COL10A1: variants seen among roughly 807,000 people sequenced by gnomAD.
COL10A1 encodes collagen alpha-1(X) chain.
Under a neutral mutation model 18.2 loss-of-function variants are expected in COL10A1, and 10 were observed. That is an observed-to-expected ratio of 0.55 (90% confidence interval 0.34 to 0.93). The LOEUF (loss-of-function observed/expected upper bound fraction) is 0.93, where lower values mean the gene tolerates loss of function less well. Among genes scored for constraint, COL10A1 ranks in the 40% least tolerant of loss-of-function variants. The pLI is 0.02. For synonymous variants in COL10A1, 330 were observed against 316.6 expected, an observed-to-expected ratio of 1.04 and a Z score of -0.45; for missense variants, 897 against 853.5, an observed-to-expected ratio of 1.05 and a Z score of -0.64.
chr6:116,157,059 T>C (rs1004137928), intron 1 of COL10A1, among the ~76,000 whole-genome samples: 10 of 152,146 alleles, frequency 6.6e-5, no homozygotes, highest in African/African-American at 2.4e-4. Context: ...TTCCACCAAA[T>C]AGACATGGAG....
the COL10A1 span, among the ~76,000 whole-genome samples, chr6:116,215,742 A>T: frequency 6.6e-6 from 1 of 152,190 alleles, no homozygotes; most frequent in Non-Finnish European, 1.5e-5. Context: ...ACTGATGGCA[A>T]CAGGGGAGTT....
chr6:116,129,206 A>G (rs144298834), upstream of COL10A1, among the ~76,000 whole-genome samples: 368 of 152,320 alleles, frequency 2.4e-3, 6 homozygotes, highest in African/African-American at 8.2e-3. Context: ...TCACATACAT[A>G]TATAGACATG....
chr6:116,155,752 T>TAAA (rs58270869), intron 1 of COL10A1, among the ~76,000 whole-genome samples: 2 of 114,612 alleles, frequency 1.7e-5, no homozygotes, highest in Non-Finnish European at 1.9e-5. Context: ...TACTTCTCCT[T>TAAA]AAAAAAAAAA....
intron 1 of COL10A1, among the ~76,000 whole-genome samples, chr6:116,143,026 T>C (rs1489538464): frequency 1.3e-5 from 2 of 152,222 alleles, no homozygotes; most frequent in Admixed American, 1.3e-4. Context: ...GGAAGAAGAC[T>C]ATGGTTCTGT....
chr6:116,167,853 G>C, the COL10A1 span, among the ~76,000 whole-genome samples: 1 of 151,964 alleles, frequency 6.6e-6, no homozygotes, highest in Non-Finnish European at 1.5e-5. Flanking sequence ...TCTGTGTATT[G>C]GATGTTGATT....
At chr6:116,166,874 TGAAATGA>T in the COL10A1 span, among the ~76,000 whole-genome samples, 1 of 152,178 alleles carries the variant, frequency 6.6e-6, no homozygotes, top group Admixed American at 6.5e-5. Flanking sequence ...AATCTGACCT[TGAAATGA>T]GAATAATTTT....
the COL10A1 span, among the ~76,000 whole-genome samples, chr6:116,175,822 T>C: frequency 6.6e-6 from 1 of 152,222 alleles, no homozygotes; most frequent in Admixed American, 6.5e-5. Context: ...TGTTTATCCT[T>C]TTCACTAGAT....
upstream of COL10A1, among the ~76,000 whole-genome samples, chr6:116,128,772 G>A (rs1240969025): frequency 1.3e-5 from 2 of 152,148 alleles, no homozygotes; most frequent in Admixed American, 1.3e-4. Context: ...AAATAGTGGT[G>A]GTTCAAAGAC....
At chr6:116,163,354 G>T (rs187030408), upstream of COL10A1, among the ~76,000 whole-genome samples, 94 of 151,610 alleles carry the variant, frequency 6.2e-4, no homozygotes, top group Middle Eastern at 3.4e-3. Flanking sequence ...AATCTGGGAG[G>T]TTGTATGTTT....
chr6:116,182,039 C>T, the COL10A1 span, among the ~76,000 whole-genome samples: 21 of 152,064 alleles, frequency 1.4e-4, no homozygotes, highest in African/African-American at 5.1e-4. Flanking sequence ...CTTTCCTCCG[C>T]GTCCCCAAAG....
upstream of COL10A1, among the ~76,000 whole-genome samples, chr6:116,159,957 A>G (rs995313056): frequency 6.6e-6 from 1 of 152,066 alleles, no homozygotes; most frequent in Non-Finnish European, 1.5e-5. Context: ...ATTACTTTTT[A>G]TGGCCGTGTA....
upstream of COL10A1, among the ~76,000 whole-genome samples, chr6:116,128,044 G>C (rs1779367173): frequency 6.6e-6 from 1 of 152,118 alleles, no homozygotes; most frequent in African/African-American, 2.4e-5. Flanking sequence ...TCCATGGTCA[G>C]ATGGTAGACT....
chr6:116,161,260 A>G (rs950417597), upstream of COL10A1, among the ~76,000 whole-genome samples: 3 of 151,516 alleles, frequency 2.0e-5, no homozygotes, highest in African/African-American at 7.3e-5. Flanking sequence ...GTTAGTGGGT[A>G]CAGTGCACCA....
the COL10A1 span, among the ~76,000 whole-genome samples, chr6:116,194,625 G>A: frequency 6.6e-6 from 1 of 151,974 alleles, no homozygotes; most frequent in Admixed American, 6.6e-5. Flanking sequence ...AATAATAAAG[G>A]ATAATGTGAA....
chr6:116,134,239 A>G (rs539496976), intron 1 of COL10A1, among the ~76,000 whole-genome samples: 78 of 152,236 alleles, frequency 5.1e-4, no homozygotes, highest in African/African-American at 1.7e-3. Flanking sequence ...CTGACCCTCT[A>G]TGTATACCAG....
At chr6:116,125,282 G>A (rs1779261211) in intron 2 of COL10A1, 57 bp downstream of exon 2, 4 of 1,579,192 alleles carry the variant, frequency 2.5e-6, no homozygotes, top group Middle Eastern at 1.7e-4. Flanking sequence ...AGATTATTAA[G>A]ATTATAGAAA....
the COL10A1 span, among the ~76,000 whole-genome samples, chr6:116,167,440 C>T: frequency 6.6e-6 from 1 of 152,004 alleles, no homozygotes; most frequent in Non-Finnish European, 1.5e-5. Flanking sequence ...TCTCAATCTC[C>T]TGGCCTTGTG....
At chr6:116,216,497 A>G in the COL10A1 span, among the ~76,000 whole-genome samples, 1 of 151,904 alleles carries the variant, frequency 6.6e-6, no homozygotes, top group Non-Finnish European at 1.5e-5. Flanking sequence ...TGGAAATCAG[A>G]TACTGTTAAA....
the COL10A1 span, among the ~76,000 whole-genome samples, chr6:116,172,958 T>A: frequency 2.0e-5 from 3 of 152,110 alleles, no homozygotes; most frequent in Non-Finnish European, 2.9e-5. Context: ...TAGGATAAAA[T>A]TATATTTATA....
Sources: gnomAD v4.1 joint callset for allele counts (sites outside exome capture counted in the v4.1 genomes callset) on GRCh38, gnomAD v4.1.1 for gene constraint, MANE v1.5 for transcripts, NCBI Gene and HGNC (gene_info 2026-07-23, HGNC 2026-07-21) for gene names.